CCNI: variants seen among roughly 807,000 people sequenced by gnomAD.
CCNI encodes the protein cyclin I.
A neutral mutation model predicts 34.1 loss-of-function variants in CCNI; 14 were observed. The ratio of observed to expected loss-of-function variants is 0.41; its 90% CI spans 0.27 to 0.64. The LOEUF is 0.64. CCNI is among the 30% of genes least tolerant of loss of function. CCNI has a pLI of 0.31. For missense variants in CCNI, 385 were observed against 440.5 expected (o/e 0.87, Z 1.13); for synonymous variants, 154 against 158.4 (o/e 0.97, Z 0.21).
Position 77,048,097 on chromosome 4 carries a change from C to A in CCNI, c.*122G>T. 8.1e-5 allele frequency: 38 copies of A among 466,866 alleles called. No homozygotes were observed. The highest frequency in any genetic ancestry group is 6.2e-4 in the Middle Eastern group (1 of 1,604). 28.9% of individuals were successfully genotyped at this position (466,866 alleles called of 1,614,324 possible). A position where few individuals can be genotyped will look rare whatever the true frequency, so the allele number is the denominator to read the frequency against. ...ATAATGAGAGTTTTATTTTTTTTTT[C>A]TGGCTCACTCCAAATCAGCCTGTTA... On this transcript the variant is annotated 3_prime_UTR_variant, in exon 7 of 7. Transcript: ENST00000237654.
chr4:77,069,142 C>T (rs763915371), intron 1 of CCNI, among the ~76,000 whole-genome samples: 19 of 152,196 alleles, frequency 1.2e-4, no homozygotes, highest in East Asian at 1.9e-4. Context: ...CCTGGCCAGG[C>T]GCAGCGGCTC....
intron 1 of CCNI, among the ~76,000 whole-genome samples, chr4:77,067,667 GTT>G (rs145214993): frequency 2.6e-4 from 36 of 137,762 alleles, no homozygotes; most frequent in East Asian, 1.7e-3. Flanking sequence ...ATTTTGTGGG[GTT>G]TTTTTTTTTT....
At chr4:77,048,962 GTTTTTTTTTT>G (rs538284505) in intron 6 of CCNI, among the ~76,000 whole-genome samples, 3 of 47,654 alleles carry the variant, frequency 6.3e-5, no homozygotes, top group Non-Finnish European at 9.3e-5. Context: ...TCCAACGTCT[GTTTTTTTTTT>G]TTTTTTTTTT....
At chr4:77,048,737 C>T (rs1374400475) in intron 6 of CCNI, 75 bp from the exon 7 acceptor site, 3 of 1,140,588 alleles carry the variant, frequency 2.6e-6, no homozygotes, top group South Asian at 2.1e-5. Context: ...TCTCTGGTGG[C>T]CATTTTTCCT....
intron 1 of CCNI, among the ~76,000 whole-genome samples, chr4:77,067,194 T>C (rs983860170): frequency 3.3e-5 from 5 of 151,652 alleles, no homozygotes; most frequent in African/African-American, 1.2e-4. Context: ...ATCACACCAT[T>C]GCACTCCAGC....
chr4:77,048,056 A>G lies in CCNI; in HGVS notation c.*163T>C. The stretch of plus-strand genomic sequence containing the variant: ...TTATGTGCTTAAATAACGCTGAATT[A>G]TAATTAGCCACACAAATAATGAGAG... On this transcript the variant is annotated 3_prime_UTR_variant, in exon 7 of 7. Transcript: ENST00000237654. 1 of 502,548 alleles carries G rather than the reference A, an allele frequency of 2.0e-6. No homozygotes were observed. The highest frequency in any genetic ancestry group is 3.5e-6 in the Non-Finnish European group (1 of 287,526). The allele number at this position is 502,548 out of a possible 1,614,324, so 31.1% of individuals were successfully genotyped here.
chr4:77,049,996 ACTGCTTAGTTTAG>A (rs1372316748), intron 6 of CCNI, among the ~76,000 whole-genome samples: 1 of 152,104 alleles, frequency 6.6e-6, no homozygotes, highest in Non-Finnish European at 1.5e-5. Context: ...AATAAGCTAA[ACTGCTTAGTTTAG>A]TATTAATAAG....
Position 77,061,493 on chromosome 4 carries a change from ACTG to A in CCNI, c.115-2861_115-2859del, listed in dbSNP as rs1401393163. Reference sequence around the variant, plus strand: ...ATTGATCAAACATGGTAAAATATAGACTGCTATTAATATATATTCTGTATATAT... The same window carrying A: ...ATTGATCAAACATGGTAAAATATAGACTATTAATATATATTCTGTATATAT... On this transcript the variant is annotated intron_variant, in intron 2 of 6. Transcript: ENST00000237654. Among the ~76,000 whole-genome samples the A allele has an allele frequency of 6.6e-5, 10 of 152,248 alleles. No individual in the cohort carries two copies. In the South Asian group the frequency reaches 1.2e-3, roughly 19 times the overall value.
At chr4:77,075,405 G>A (rs1729841257) in intron 1 of CCNI, 67 bp downstream of exon 1, 1 of 657,478 alleles carries the variant, frequency 1.5e-6, no homozygotes, top group Non-Finnish European at 1.9e-6. Flanking sequence ...GGGAGCAGCG[G>A]GGCCCCAGCG....
At chr4:77,067,262 A>G (rs1421819052) in intron 1 of CCNI, among the ~76,000 whole-genome samples, 2 of 151,870 alleles carry the variant, frequency 1.3e-5, no homozygotes, top group Admixed American at 6.6e-5. Context: ...AAAAAAATGT[A>G]TTTCTTCAGT....
chr4:77,071,743 T>C (rs1729481304), intron 1 of CCNI, among the ~76,000 whole-genome samples: 1 of 152,134 alleles, frequency 6.6e-6, no homozygotes, highest in Non-Finnish European at 1.5e-5. Flanking sequence ...TTGGCAATTT[T>C]AGATGAAATG....
intron 1 of CCNI, among the ~76,000 whole-genome samples, chr4:77,070,458 G>A (rs912473529): frequency 2.7e-5 from 4 of 149,372 alleles, no homozygotes; most frequent in African/African-American, 4.9e-5. Context: ...CATTGTGTGC[G>A]AGGTTTGGGT....
At chr4:77,053,103 C>T (rs139678045) in intron 6 of CCNI, among the ~76,000 whole-genome samples, 15 of 152,212 alleles carry the variant, frequency 9.9e-5, no homozygotes, top group African/African-American at 3.4e-4. Context: ...GAAGGGAAAA[C>T]GCTATGTTGA....
Position 77,047,815 on chromosome 4 carries a change from C to G in CCNI, c.*404G>C, listed in dbSNP as rs4241598. The G allele has an allele frequency of 5.9e-6, 1 of 169,628 alleles. No individual in the cohort carries two copies. The highest frequency in any genetic ancestry group is 1.3e-5 in the Non-Finnish European group (1 of 77,694). The allele number at this position is 169,628 out of a possible 1,614,324, so 10.5% of individuals were successfully genotyped here. A position where few individuals can be genotyped will look rare whatever the true frequency, so the allele number is the denominator to read the frequency against. ...GATCAACATGCATAAAGTTCAGTAA[C>G]TATTAAATGGAGAAGCAAGCAAAAG... On this transcript the variant is annotated 3_prime_UTR_variant, in exon 7 of 7. Coordinates refer to ENST00000237654, the MANE Select transcript of CCNI (RefSeq NM_006835.3).
intron 2 of CCNI, among the ~76,000 whole-genome samples, chr4:77,060,605 C>A (rs532216739): frequency 2.7e-5 from 4 of 149,662 alleles, no homozygotes; most frequent in Non-Finnish European, 5.9e-5. Context: ...ACCAGAGGTA[C>A]GTGCCACCAG....
Position 77,075,462 on chromosome 4 carries a change from C to G in CCNI, c.-44+10G>C. ...CGCGTCGAGCCCCCGCCCCCGCCCC[C>G]GCCCCTCACCTTCTCCTCCTCTTCC... On this transcript the variant is annotated intron_variant, in intron 1 of 6. Transcript: ENST00000237654. 3.7e-6 allele frequency: 3 copies of G among 814,304 alleles called. No individual in the cohort carries two copies. The highest frequency in any genetic ancestry group is 4.4e-6 in the Non-Finnish European group (3 of 674,548). The allele number at this position is 814,304 out of a possible 1,614,324, so 50.4% of individuals were successfully genotyped here.
intron 1 of CCNI, among the ~76,000 whole-genome samples, chr4:77,067,633 G>A (rs923093453): frequency 8.6e-5 from 13 of 150,956 alleles, no homozygotes; most frequent in Admixed American, 7.3e-4. Context: ...TGGGACTACA[G>A]ATGCACATCA....
rs200178318 is a variant in CCNI, at chr4:77,047,925, C to T, written c.*294G>A. 27 of 249,084 alleles carry T rather than the reference C, an allele frequency of 1.1e-4. No individual in the cohort carries two copies. In the East Asian group the frequency reaches 1.3e-3, roughly 12 times the overall value. 15.4% of individuals were successfully genotyped at this position (249,084 alleles called of 1,614,324 possible). Reference sequence around the variant, plus strand: ...ATTGAATTTTTGACGGGGCAAGCTACGTTACATTATGGCAGAAAAAAAGTG... The same window carrying T: ...ATTGAATTTTTGACGGGGCAAGCTATGTTACATTATGGCAGAAAAAAAGTG... On this transcript the variant is annotated 3_prime_UTR_variant, in exon 7 of 7. Transcript: ENST00000237654.
At chr4:77,073,889 CAAGT>C (rs1256230394) in intron 1 of CCNI, among the ~76,000 whole-genome samples, 2 of 152,212 alleles carry the variant, frequency 1.3e-5, no homozygotes, top group Non-Finnish European at 2.9e-5. Context: ...AACAGCTTAA[CAAGT>C]AAAAGCACTG....
Sources: gnomAD v4.1 joint callset for allele counts (sites outside exome capture counted in the v4.1 genomes callset) on GRCh38, gnomAD v4.1.1 for gene constraint, MANE v1.5 for transcripts, NCBI Gene and HGNC (gene_info 2026-07-23, HGNC 2026-07-21) for gene names.